Variants in TSGA10 observed in about 807,000 individuals in gnomAD.
TSGA10 encodes testis-specific gene 10 protein.
TSGA10 carries 43 observed loss-of-function variants against 96.6 expected under a neutral mutation model. The ratio of observed to expected loss-of-function variants is 0.44; its 90% confidence interval spans 0.35 to 0.57. The LOEUF (loss-of-function observed/expected upper bound fraction) is 0.57. Ranked by LOEUF, TSGA10 falls within the 20% of genes least tolerant of loss-of-function variation. The pLI is 0.01. For synonymous variants in TSGA10, 229 were observed against 269.9 expected, an observed-to-expected ratio of 0.85 and a Z score of 1.48; for missense variants, 703 against 834.4, an observed-to-expected ratio of 0.84 and a Z score of 1.94.
chr2:99,150,979 A>C, intron 1 of TSGA10: 1 of 540,714 alleles, frequency 1.8e-6, no homozygotes, highest in East Asian at 3.0e-5. Context: ...ATCATCTTAC[A>C]CTGCATTTTT....
At chr2:99,029,448 T>A (rs1387726459) in intron 17 of TSGA10, among the ~76,000 whole-genome samples, 5 of 151,988 alleles carry the variant, frequency 3.3e-5, no homozygotes, top group Non-Finnish European at 2.9e-5. Flanking sequence ...CAAAGAAAAC[T>A]AAGACTGAAC....
At position 99,118,634 on chromosome 2, in the gene TSGA10, A is replaced by T; in HGVS notation, c.-439T>A. The stretch of plus-strand genomic sequence containing the variant: ...GCTTTCCTTCCCAGCCCACTATCAA[A>T]CCATCAATGGATGAAGAAAAGGGCC... On this transcript the variant is annotated 5_prime_UTR_variant, in exon 3 of 21. Transcript: ENST00000393483. 1 of 984,986 alleles carries T rather than the reference A, an allele frequency of 1.0e-6. No individual in the cohort carries two copies. Among genetic ancestry groups the T allele is most frequent in the African/African-American group, 1.7e-5 (1 of 57,272 alleles). The allele number at this position is 984,986 out of a possible 1,614,324, so 61.0% of individuals were successfully genotyped here.
intron 2 of TSGA10, among the ~76,000 whole-genome samples, chr2:99,119,771 T>C (rs1001993369): frequency 6.6e-6 from 1 of 152,236 alleles, no homozygotes; most frequent in Non-Finnish European, 1.5e-5. Flanking sequence ...GGTACAATGA[T>C]CTGTTCGTTA....
chr2:99,040,584 A>T (rs2082093334), intron 16 of TSGA10, among the ~76,000 whole-genome samples: 1 of 152,192 alleles, frequency 6.6e-6, no homozygotes, highest in Non-Finnish European at 1.5e-5. Context: ...CTCTACAAGG[A>T]AAACTACAAA....
At chr2:99,120,676 C>A (rs1162225405) in intron 2 of TSGA10, among the ~76,000 whole-genome samples, 1 of 152,102 alleles carries the variant, frequency 6.6e-6, no homozygotes, top group East Asian at 1.9e-4. Context: ...TCAGTTTCCG[C>A]TGATAGTTGT....
intron 12 of TSGA10, among the ~76,000 whole-genome samples, chr2:99,077,955 C>T (rs752907160): frequency 6.6e-6 from 1 of 151,908 alleles, no homozygotes; most frequent in African/African-American, 2.4e-5. Flanking sequence ...GATCTATTCT[C>T]AAAGCCTGAG....
chr2:99,148,600 T>C (rs1186676484), intron 1 of TSGA10, among the ~76,000 whole-genome samples: 1 of 152,224 alleles, frequency 6.6e-6, no homozygotes, highest in Non-Finnish European at 1.5e-5. Context: ...CAGTCAGTAA[T>C]TACAGCTTGA....
At chr2:99,066,586 A>G (rs931090841) in intron 15 of TSGA10, among the ~76,000 whole-genome samples, 5 of 152,128 alleles carry the variant, frequency 3.3e-5, no homozygotes, top group African/African-American at 9.7e-5. Context: ...CAGGTAGTAC[A>G]TTATTCAAAG....
intron 20 of TSGA10, among the ~76,000 whole-genome samples, chr2:99,001,218 C>T (rs1015559229): frequency 6.6e-6 from 1 of 152,122 alleles, no homozygotes; most frequent in Non-Finnish European, 1.5e-5. Context: ...GGACACCTCC[C>T]AGTAGGGGCA....
intron 16 of TSGA10, among the ~76,000 whole-genome samples, chr2:99,038,830 G>A (rs969000672): frequency 1.3e-5 from 2 of 152,004 alleles, no homozygotes; most frequent in Non-Finnish European, 2.9e-5. Flanking sequence ...ACAATTGCAG[G>A]ACATACATTC....
chr2:99,120,702 G>A (rs2092525670), intron 2 of TSGA10, among the ~76,000 whole-genome samples: 1 of 152,106 alleles, frequency 6.6e-6, no homozygotes, highest in African/African-American at 2.4e-5. Flanking sequence ...AAACAACATA[G>A]TATATCATAC....
At chr2:99,099,554 C>A (rs62156369) in intron 10 of TSGA10, among the ~76,000 whole-genome samples, 1 of 151,944 alleles carries the variant, frequency 6.6e-6, no homozygotes, top group Non-Finnish European at 1.5e-5. Context: ...ATAATGTGAC[C>A]ATCTAAATAC....
intron 1 of TSGA10, among the ~76,000 whole-genome samples, chr2:99,139,407 A>C (rs973605167): frequency 2.0e-5 from 3 of 152,358 alleles, no homozygotes; most frequent in Non-Finnish European, 4.4e-5. Context: ...TGTATTCAAC[A>C]AATTATTGAT....
chr2:99,054,050 C>T (rs548319322), intron 16 of TSGA10, among the ~76,000 whole-genome samples: 20 of 152,170 alleles, frequency 1.3e-4, no homozygotes, highest in African/African-American at 4.6e-4. Flanking sequence ...TATGGAACCA[C>T]AATACACCCT....
chr2:99,102,025 TAAA>T (rs1030644280), intron 10 of TSGA10: 19 of 1,363,834 alleles, frequency 1.4e-5, no homozygotes, highest in Non-Finnish European at 1.7e-5. Context: ...TTAACAGAAT[TAAA>T]GAAGTACAGC....
Position 99,134,602 on chromosome 2 carries a change from T to C in TSGA10, c.-620-7426A>G, listed in dbSNP as rs374214100. 3.0e-4 allele frequency among the ~76,000 whole-genome samples: 45 copies of C among 152,252 alleles called. No individual in the cohort carries two copies. In the South Asian group the frequency reaches 4.6e-3, roughly 15 times the overall value. On this transcript the variant is annotated intron_variant, in intron 1 of 20. Transcript: ENST00000393483. ...CTGTCAATTTGTCAAACTCATTCTCTGTCCAGTTTTGCTCCTTTGCTGGCG... is the reference window on the plus strand; with the variant it reads ...CTGTCAATTTGTCAAACTCATTCTCCGTCCAGTTTTGCTCCTTTGCTGGCG...
At chr2:99,064,178 T>G (rs2085000911) in intron 16 of TSGA10, among the ~76,000 whole-genome samples, 1 of 152,094 alleles carries the variant, frequency 6.6e-6, no homozygotes, top group Non-Finnish European at 1.5e-5. Context: ...TAGGGAAACA[T>G]GTAGTCAAGG....
At chr2:99,087,375 G>A (rs946056182) in intron 10 of TSGA10, among the ~76,000 whole-genome samples, 5 of 151,570 alleles carry the variant, frequency 3.3e-5, no homozygotes, top group South Asian at 2.1e-4. Context: ...GTGTAGTGGC[G>A]CATGCCTGTA....
At chr2:99,047,526 T>G (rs1343941431) in intron 16 of TSGA10, among the ~76,000 whole-genome samples, 4 of 152,094 alleles carry the variant, frequency 2.6e-5, no homozygotes, top group African/African-American at 7.2e-5. Context: ...ATTCAACAGC[T>G]CTTCATGCTA....
Sources: allele counts gnomAD v4.1 joint callset (sites outside exome capture counted in the v4.1 genomes callset), GRCh38; gene constraint gnomAD v4.1.1; transcripts MANE v1.5; gene names NCBI Gene and HGNC (gene_info 2026-07-23, HGNC 2026-07-21).